Variants in SRSF1 observed in about 807,000 individuals in gnomAD.
SRSF1 encodes serine and arginine rich splicing factor 1.
A neutral mutation model predicts 25.9 loss-of-function variants in SRSF1; 1 was observed. The ratio of observed to expected loss-of-function variants is 0.04; its 90% CI spans 0.01 to 0.18. The LOEUF is 0.18. SRSF1 is among the 10% of genes least tolerant of loss of function. The pLI is 1.00. For synonymous variants in SRSF1, 132 were observed against 126.2 expected (o/e 1.05, Z -0.31); for missense variants, 65 against 350.5 (o/e 0.19, Z 6.50).
downstream of SRSF1, among the ~76,000 whole-genome samples, chr17:57,999,084 C>G (rs536093796): frequency 1.9e-4 from 29 of 152,218 alleles, no homozygotes; most frequent in African/African-American, 6.7e-4. Context: ...ACTACTGTGT[C>G]TACTGACTTT....
At chr17:57,995,995 T>C (rs1190819744), downstream of SRSF1, among the ~76,000 whole-genome samples, 1 of 151,796 alleles carries the variant, frequency 6.6e-6, no homozygotes, top group African/African-American at 2.4e-5. Context: ...ATAAAAAAGG[T>C]AGCAAGGGTA....
downstream of SRSF1, among the ~76,000 whole-genome samples, chr17:57,998,658 C>G (rs572798472): frequency 6.6e-6 from 1 of 152,308 alleles, no homozygotes; most frequent in African/African-American, 2.4e-5. Flanking sequence ...TTTCAGCTGT[C>G]AATCCAATTT....
In SRSF1 at chr17:58,006,411, C is replaced by A. The variant is rs1382780330; in HGVS notation, c.311G>T (p.Gly104Val). 2 of 1,613,090 alleles carry A rather than the reference C, an allele frequency of 1.2e-6. No homozygotes were observed. Among genetic ancestry groups the A allele is most frequent in the South Asian group, 1.1e-5 (1 of 91,078 alleles). Residue 104 changes from glycine (G) to valine (V), a missense_variant, in exon 2 of 4, where the codon GGT becomes GTT. Physicochemically the swap from Gly to Val is moderately radical, Grantham distance 109. This residue lies in a region of SRSF1 where 63 missense variants were observed against 284.8 expected (regional missense o/e 0.22). Transcript: ENST00000258962. ...GTGRGGGGGG[G>V]GGAPRGRYGP... ...ATAGCGACCTCGGGGAGCTCCGCCACCTCCACCCCCGCCGCCGCCTCGGCC... is the reference window on the plus strand; with the variant it reads ...ATAGCGACCTCGGGGAGCTCCGCCAACTCCACCCCCGCCGCCGCCTCGGCC...
downstream of SRSF1, among the ~76,000 whole-genome samples, chr17:58,000,004 A>C (rs1168360865): frequency 1.3e-5 from 2 of 152,142 alleles, no homozygotes; most frequent in Admixed American, 1.3e-4. Context: ...AAAAGTCATG[A>C]ATGACTTTTC....
chr17:57,998,631 C>A (rs1362145488), downstream of SRSF1, among the ~76,000 whole-genome samples: 1 of 152,184 alleles, frequency 6.6e-6, no homozygotes, highest in Non-Finnish European at 1.5e-5. Flanking sequence ...AGACAGGCTT[C>A]AATCTAGTTA....
downstream of SRSF1, among the ~76,000 whole-genome samples, chr17:57,995,929 GC>G (rs2075362822): frequency 6.6e-6 from 1 of 152,086 alleles, no homozygotes; most frequent in Non-Finnish European, 1.5e-5. Flanking sequence ...GCCTGCTTAA[GC>G]CCAGGAGTTC....
At chr17:57,991,015 A>G in the SRSF1 span, 2 of 152,222 alleles carry the variant, frequency 1.3e-5, no homozygotes, top group South Asian at 4.1e-4. Context: ...GATGTGAAAT[A>G]AATATTTTTA....
chr17:58,005,531 G>C lies in SRSF1; in HGVS notation c.622C>G (p.Arg208Gly). ...CGGCTTCTGCTACGACTACGGCTTCGAGATCGAGATCTTCCATAACTTGGA... is the reference window on the plus strand; with the variant it reads ...CGGCTTCTGCTACGACTACGGCTTCCAGATCGAGATCTTCCATAACTTGGA... ...RSPSYGRSRSRSRSRSRSRSR... is the reference protein window; with the variant it reads ...RSPSYGRSRSGSRSRSRSRSR... Residue 208 changes from arginine to glycine, a missense_variant, in exon 4 of 4, where the codon CGA (arginine) becomes GGA (glycine). Arg to Gly is a moderately radical substitution (Grantham distance 125, BLOSUM62 -2). Coordinates refer to ENST00000258962, the MANE Select transcript of SRSF1 (RefSeq NM_006924.5). This position sits in a 1 kb window ranked among gnomAD's most constrained non-coding sequence, Gnocchi z 5.2. 3 of 1,614,056 alleles carry C rather than the reference G, an allele frequency of 1.9e-6. No homozygotes were observed. The highest frequency in any genetic ancestry group is 2.5e-6 in the Non-Finnish European group (3 of 1,180,018).
rs748947801 is a variant in SRSF1, at chr17:58,007,039, C to T, written c.99G>A (p.Glu33=). The change falls in exon 1 of 4, where the codon GAG becomes GAA. Residue 33 remains glutamate (E), a synonymous_variant. Transcript: ENST00000258962. ...LPPDIRTKDI[E]DVFYKYGAIR... ...TAGCGCCGTATTTGTAGAACACGTC[C>T]TCAATGTCCTTGGTTCGGATGTCTG... 25 of 1,614,080 alleles carry T rather than the reference C, an allele frequency of 1.5e-5. No individual in the cohort carries two copies. In the Admixed American group the frequency reaches 2.5e-4, roughly 16 times the overall value.
At chr17:57,992,188 G>A in the SRSF1 span, 1 of 152,126 alleles carries the variant, frequency 6.6e-6, no homozygotes, top group Non-Finnish European at 1.5e-5. Flanking sequence ...TTAATGACAG[G>A]GAGAATATCC....
the SRSF1 span, chr17:57,991,826 T>G: frequency 1.3e-5 from 2 of 152,232 alleles, no homozygotes; most frequent in Admixed American, 1.3e-4. Flanking sequence ...AGGAGTTATT[T>G]AACTGGCAAG....
chr17:58,004,828 T>C lies in SRSF1; in HGVS notation c.*578A>G. The C allele has an allele frequency of 2.5e-6, 1 of 397,588 alleles. No homozygotes were observed. The highest frequency in any genetic ancestry group is 4.4e-6 in the Non-Finnish European group (1 of 225,476). The allele number at this position is 397,588 out of a possible 1,614,324, so 24.6% of individuals were successfully genotyped here. ...CTGAATAAAATGTTTGCAAGTGTTT[T>C]AAGGAAAATGTATATAATCATTTTT... is the stretch of plus-strand genomic sequence containing the variant. On this transcript the variant is annotated 3_prime_UTR_variant, in exon 4 of 4. Transcript: ENST00000258962.
At chr17:57,996,419 G>C (rs1353463659), downstream of SRSF1, among the ~76,000 whole-genome samples, 1 of 144,486 alleles carries the variant, frequency 6.9e-6, no homozygotes, top group Non-Finnish European at 1.5e-5. Context: ...AGGAGGTGGA[G>C]GTTGCAGTGA....
chr17:57,992,903 G>GT, the SRSF1 span: 1 of 152,180 alleles, frequency 6.6e-6, no homozygotes, highest in Non-Finnish European at 1.5e-5. Flanking sequence ...TACTCCCTGG[G>GT]TAAGGAAGGT....
intron 2 of SRSF1, 47 bp downstream of exon 2, chr17:58,006,296 G>A: frequency 6.5e-7 from 1 of 1,542,576 alleles, no homozygotes; most frequent in Non-Finnish European, 8.7e-7. Flanking sequence ...AAAAATTTTA[G>A]GTAGTTTTCG....
chr17:57,993,383 C>T, the SRSF1 span: 1 of 135,856 alleles, frequency 7.4e-6, no homozygotes, highest in South Asian at 2.1e-4. Flanking sequence ...AACCGAGACT[C>T]CGTCTCAAAA....
rs918382123 is a variant in SRSF1 at position 58,003,060 on chromosome 17, T to C, written c.*2346A>G. 6.6e-6 allele frequency among the ~76,000 whole-genome samples: 1 copy of C among 152,244 alleles called. No individual in the cohort carries two copies. The highest frequency in any genetic ancestry group is 2.4e-5 in the African/African-American group (1 of 41,462). On this transcript the variant is annotated 3_prime_UTR_variant, in exon 4 of 4. Transcript: ENST00000258962. The stretch of plus-strand genomic sequence containing the variant: ...CATCTGTGCTGATGTTAACATTTAA[T>C]ACTTACCTTTTTTTGAGATGAGTTT...
intron 2 of SRSF1, 65 bp downstream of exon 2, chr17:58,006,278 C>T: frequency 6.6e-7 from 1 of 1,524,674 alleles, no homozygotes; most frequent in Non-Finnish European, 8.8e-7. Context: ...AAACCTGTCA[C>T]GCAAGAGAAA....
downstream of SRSF1, among the ~76,000 whole-genome samples, chr17:57,996,721 G>A (rs185941812): frequency 1.6e-4 from 24 of 152,252 alleles, no homozygotes; most frequent in East Asian, 4.6e-3. Context: ...GAATGGGGCT[G>A]CTTATGGGAT....
Sources: allele counts gnomAD v4.1 joint callset (sites outside exome capture counted in the v4.1 genomes callset), GRCh38; gene constraint gnomAD v4.1.1; regional missense constraint gnomAD v4.1.1; non-coding constraint Gnocchi (gnomAD v3.1); transcripts MANE v1.5; gene names NCBI Gene and HGNC (gene_info 2026-07-23, HGNC 2026-07-21).